AGAP1: variants seen among roughly 807,000 people sequenced by gnomAD.
AGAP1 encodes arf-GAP with GTPase, ANK repeat and PH domain-containing protein 1.
In AGAP1, 29 loss-of-function variants were observed where a neutral mutation model predicts 105.3. That is an observed-to-expected ratio of 0.28 (90% CI 0.21 to 0.38). The LOEUF (loss-of-function observed/expected upper bound fraction) is 0.38, where lower values mean the gene tolerates loss of function less well. Ranked by LOEUF, AGAP1 falls within the 10% of genes least tolerant of loss-of-function variation. AGAP1 has a pLI of 1.00. For synonymous variants in AGAP1, 509 were observed against 485.9 expected, an observed-to-expected ratio of 1.05 and a Z score of -0.63; for missense variants, 998 against 1,165.1, an observed-to-expected ratio of 0.86 and a Z score of 2.09.
At chr2:235,748,352 A>G (rs767242294) in intron 5 of AGAP1, among the ~76,000 whole-genome samples, 1 of 152,200 alleles carries the variant, frequency 6.6e-6, no homozygotes, top group Non-Finnish European at 1.5e-5. Flanking sequence ...TGTTTTCAAA[A>G]TTATCCTAGA....
intron 1 of AGAP1, among the ~76,000 whole-genome samples, chr2:235,676,256 C>A (rs1255949746): frequency 6.6e-6 from 1 of 152,208 alleles, no homozygotes; most frequent in African/African-American, 2.4e-5. Flanking sequence ...GAGCACTAGT[C>A]CACTGTGTAA....
At chr2:235,670,257 C>T (rs1198211714) in intron 1 of AGAP1, 28 of 510,490 alleles carry the variant, frequency 5.5e-5, no homozygotes, top group Non-Finnish European at 9.1e-5. Context: ...GACCCACGCC[C>T]GGTTCGGCGG....
In AGAP1 at chr2:235,551,311, A is replaced by AT. The variant is rs375273012; in HGVS notation, c.163+56473dup. 7.7e-4 allele frequency among the ~76,000 whole-genome samples: 114 copies of AT among 147,726 alleles called. No homozygotes were observed. Among genetic ancestry groups the AT allele is most frequent in the Middle Eastern group, 3.5e-3 (1 of 284 alleles). ...GGGTGAGGAGAGAGGGGCTAGACAG[A>AT]TTTTTTTTTTTGAGACAAGGTCTCA... On this transcript the variant is annotated intron_variant, in intron 1 of 17. Coordinates refer to ENST00000304032, the MANE Select transcript of AGAP1 (RefSeq NM_001037131.3). The surrounding 1 kb of genome is among the most constrained non-coding windows in gnomAD (Gnocchi z 4.8).
At chr2:235,528,893 C>T (rs1942947852) in intron 1 of AGAP1, among the ~76,000 whole-genome samples, 1 of 151,942 alleles carries the variant, frequency 6.6e-6, no homozygotes, top group Admixed American at 6.6e-5. Flanking sequence ...GTCAGCTGGT[C>T]TCAAACTCCT....
intron 16 of AGAP1, among the ~76,000 whole-genome samples, chr2:236,071,943 G>C (rs2058507036): frequency 6.6e-6 from 1 of 152,130 alleles, no homozygotes; most frequent in Non-Finnish European, 1.5e-5. Flanking sequence ...ATCCACCGTT[G>C]TGGTAAACTT....
In AGAP1 at chr2:235,888,878, G is replaced by C. The variant is rs373714004; in HGVS notation, c.1155+5429G>C. Reference sequence around the variant, plus strand: ...AGACACCCCAGCAGTGGGGAGCTCTGGCTTTCAGTTCCTTTGCACACTGTG... The same window carrying C: ...AGACACCCCAGCAGTGGGGAGCTCTCGCTTTCAGTTCCTTTGCACACTGTG... On this transcript the variant is annotated intron_variant, in intron 10 of 17. Coordinates refer to ENST00000304032, the MANE Select transcript of AGAP1 (RefSeq NM_001037131.3). The surrounding 1 kb of genome is among the most constrained non-coding windows in gnomAD (Gnocchi z 4.8). Among the ~76,000 whole-genome samples the C allele has an allele frequency of 2.6e-4, 40 of 152,260 alleles. 1 individual carries two copies. The highest frequency in any genetic ancestry group is 9.1e-4 in the African/African-American group (38 of 41,532).
At chr2:236,016,381 C>CTTTTTTTTTTTT (rs151088125) in intron 13 of AGAP1, among the ~76,000 whole-genome samples, 4 of 114,670 alleles carry the variant, frequency 3.5e-5, no homozygotes, top group Non-Finnish European at 5.4e-5. Context: ...GTTGGGTTTG[C>CTTTTTTTTTTTT]TTTTTTTTTT....
chr2:235,800,744 G>A (rs1217804578), intron 8 of AGAP1, among the ~76,000 whole-genome samples: 1 of 152,238 alleles, frequency 6.6e-6, no homozygotes, highest in Non-Finnish European at 1.5e-5. Context: ...GGAGTGGGAA[G>A]GTAAAGGTTC....
At chr2:235,767,033 C>T (rs954235093) in intron 6 of AGAP1, among the ~76,000 whole-genome samples, 2 of 151,662 alleles carry the variant, frequency 1.3e-5, no homozygotes, top group Non-Finnish European at 2.9e-5. Context: ...CCTGATTCAG[C>T]CTCCCAAGTA....
rs1444571911 is a variant in AGAP1 at position 235,859,397 on chromosome 2, C to CG, written c.1051-23948_1051-23947insG. On this transcript the variant is annotated intron_variant, in intron 9 of 17. Transcript: ENST00000304032. ...TGCAACTCTCCCCCCACAACCTCCCCCCCCCCCCCCGCCTTTTGTTCCATC... is the reference window on the plus strand; with the variant it reads ...TGCAACTCTCCCCCCACAACCTCCCCGCCCCCCCCCCGCCTTTTGTTCCATC... Among the ~76,000 whole-genome samples, 71 of 81,960 alleles carry CG rather than the reference C, an allele frequency of 8.7e-4. 2 individuals are homozygous for CG. The highest frequency in any genetic ancestry group is 3.6e-3 in the East Asian group (2 of 550). 53.8% of individuals were successfully genotyped at this position (81,960 alleles called of 152,430 possible).
intron 16 of AGAP1, among the ~76,000 whole-genome samples, chr2:236,097,934 C>T (rs1304523634): frequency 6.6e-6 from 1 of 152,182 alleles, no homozygotes; most frequent in Admixed American, 6.5e-5. Flanking sequence ...TTGTGCCTGA[C>T]TTACTTCACT....
intron 1 of AGAP1, among the ~76,000 whole-genome samples, chr2:235,541,638 C>T (rs1341926169): frequency 1.3e-5 from 2 of 152,036 alleles, no homozygotes; most frequent in African/African-American, 4.8e-5. Context: ...ATCTGCCCGC[C>T]TCCGCCTCCC....
intron 13 of AGAP1, among the ~76,000 whole-genome samples, chr2:236,004,335 A>G (rs1170562506): frequency 6.6e-6 from 1 of 152,202 alleles, no homozygotes; most frequent in Non-Finnish European, 1.5e-5. Context: ...AGATGATTTT[A>G]GTGTGCTGAT....
In AGAP1 at chr2:235,965,238, G is replaced by A. The variant is rs919122919; in HGVS notation, c.1484-3224G>A. 6.6e-5 allele frequency among the ~76,000 whole-genome samples: 10 copies of A among 152,190 alleles called. No homozygotes were observed. Among genetic ancestry groups the A allele is most frequent in the South Asian group, 2.1e-4 (1 of 4,822 alleles). ...TGCTGTTTCTTGGGAGCCGGCTGCC[G>A]GGAAGAGAGGGTCAGGTAGAGCCAA... On this transcript the variant is annotated intron_variant, in intron 12 of 17. Coordinates refer to ENST00000304032, the MANE Select transcript of AGAP1 (RefSeq NM_001037131.3). The surrounding 1 kb of genome is among the most constrained non-coding windows in gnomAD (Gnocchi z 5.8).
At chr2:236,067,565 A>G (rs1284042921) in intron 16 of AGAP1, among the ~76,000 whole-genome samples, 1 of 152,232 alleles carries the variant, frequency 6.6e-6, no homozygotes, top group African/African-American at 2.4e-5. Context: ...TTGAGAAAGT[A>G]AAGATGTTTC....
At position 236,062,075 on chromosome 2, in the gene AGAP1, C is replaced by T. The variant is rs1253359341; in HGVS notation, c.2114+12794C>T. 6.6e-6 allele frequency among the ~76,000 whole-genome samples: 1 copy of T among 152,034 alleles called. No individual in the cohort carries two copies. The highest frequency in any genetic ancestry group is 1.5e-5 in the Non-Finnish European group (1 of 68,002). On this transcript the variant is annotated intron_variant, in intron 16 of 17. Coordinates refer to ENST00000304032, the MANE Select transcript of AGAP1 (RefSeq NM_001037131.3). This position sits in a 1 kb window ranked among gnomAD's most constrained non-coding sequence, Gnocchi z 4.2. ...CTCTGAGCAGGATGTGCACTGCAGC[C>T]AAATTCCTGCCCTGCGGACGGCCCA... is the stretch of plus-strand genomic sequence containing the variant.
In AGAP1 at chr2:235,689,917, G is replaced by A. The variant is rs1949657703; in HGVS notation, c.164-19262G>A. Among the ~76,000 whole-genome samples the A allele has an allele frequency of 6.6e-6, 1 of 151,986 alleles. No individual in the cohort carries two copies. Among genetic ancestry groups the A allele is most frequent in the African/African-American group, 2.4e-5 (1 of 41,374 alleles). On this transcript the variant is annotated intron_variant, in intron 1 of 17. Coordinates refer to ENST00000304032, the MANE Select transcript of AGAP1 (RefSeq NM_001037131.3). This position sits in a 1 kb window ranked among gnomAD's most constrained non-coding sequence, Gnocchi z 4.2. ...CTTCAGAACCTATAGTGTCATTTGTGGTATTTTTTTTTTTAAATACTGCTT... is the reference window on the plus strand; with the variant it reads ...CTTCAGAACCTATAGTGTCATTTGTAGTATTTTTTTTTTTAAATACTGCTT...
In AGAP1 at chr2:235,549,867, T is replaced by C. The variant is rs912194270; in HGVS notation, c.163+55018T>C. Among the ~76,000 whole-genome samples, 5 of 151,778 alleles carry C rather than the reference T, an allele frequency of 3.3e-5. No individual in the cohort carries two copies. The highest frequency in any genetic ancestry group is 5.9e-5 in the Non-Finnish European group (4 of 67,952). ...GGAGCATGGGGATTAGTGGAGTGAG[T>C]GGGAGGACTCGCCCTGCGCAGGTGG... On this transcript the variant is annotated intron_variant, in intron 1 of 17. Coordinates refer to ENST00000304032, the MANE Select transcript of AGAP1 (RefSeq NM_001037131.3). The surrounding 1 kb of genome is among the most constrained non-coding windows in gnomAD (Gnocchi z 4.2).
Position 236,087,251 on chromosome 2 carries a change from A to T in AGAP1, c.2115-32941A>T, listed in dbSNP as rs1291056743. Among the ~76,000 whole-genome samples, 1 of 151,986 alleles carries T rather than the reference A, an allele frequency of 6.6e-6. No homozygotes were observed. The highest frequency in any genetic ancestry group is 2.4e-5 in the African/African-American group (1 of 41,382). On this transcript the variant is annotated intron_variant, in intron 16 of 17. Transcript: ENST00000304032. This position sits in a 1 kb window ranked among gnomAD's most constrained non-coding sequence, Gnocchi z 5.7. ...TTCTCATTATGGAGCCCATCAGGGG[A>T]CAGGGCATTCCAGTGTTATTTAGGG...
Sources: gnomAD v4.1 joint callset for allele counts (sites outside exome capture counted in the v4.1 genomes callset) on GRCh38, gnomAD v4.1.1 for gene constraint, Gnocchi (gnomAD v3.1) non-coding constraint, MANE v1.5 for transcripts, NCBI Gene and HGNC (gene_info 2026-07-23, HGNC 2026-07-21) for gene names.